The following JCAD variants were observed in gnomAD, a reference collection of about 807,000 sequenced individuals.
JCAD encodes the protein junctional cadherin 5-associated protein.
A neutral mutation model predicts 98.0 loss-of-function variants in JCAD; 40 were observed. That is an observed-to-expected ratio of 0.41 (90% confidence interval 0.32 to 0.53). JCAD has a LOEUF of 0.53. Ranked by LOEUF, JCAD falls within the 20% of genes least tolerant of loss-of-function variation. JCAD has a pLI of 0.31. For missense variants in JCAD, 1,705 were observed against 1,738.1 expected, an observed-to-expected ratio of 0.98 and a Z score of 0.34; for synonymous variants, 691 against 682.3, an observed-to-expected ratio of 1.01 and a Z score of -0.20.
chr10:30,084,821 CTATCTATCTGTG>C (rs1425448635), intron 1 of JCAD, among the ~76,000 whole-genome samples: 15 of 151,522 alleles, frequency 9.9e-5, no homozygotes, highest in Non-Finnish European at 1.5e-5. Context: ...ATCTATCTAT[CTATCTATCTGTG>C]TATCTATCCA....
chr10:30,096,381 G>A (rs1190777378), intron 1 of JCAD, among the ~76,000 whole-genome samples: 3 of 152,166 alleles, frequency 2.0e-5, no homozygotes, highest in Non-Finnish European at 4.4e-5. Flanking sequence ...TTGCTACAGG[G>A]ATCAGTGGTA....
At position 30,098,760 on chromosome 10, in the gene JCAD, T is replaced by C. The variant is rs564338952; in HGVS notation, n.128+16607A>G. Among the ~76,000 whole-genome samples, 3 of 152,342 alleles carry C rather than the reference T, an allele frequency of 2.0e-5. No individual in the cohort carries two copies. In the East Asian group the frequency reaches 5.8e-4, roughly 29 times the overall value. ...TTGAGTGCCATTCCAAAGTTCTTAC[T>C]GTCCAATAACTTATTATCATGAAAT... On this transcript the variant is annotated intron_variant and non_coding_transcript_variant, in intron 1 of 2. Transcript: ENST00000465712.
chr10:30,093,081 G>C (rs1404331532), intron 1 of JCAD, among the ~76,000 whole-genome samples: 1 of 152,108 alleles, frequency 6.6e-6, no homozygotes, highest in Non-Finnish European at 1.5e-5. Context: ...TGGAAAAAAA[G>C]AATAGAATAG....
chr10:30,096,547 G>A (rs1373036504), intron 1 of JCAD, among the ~76,000 whole-genome samples: 2 of 151,380 alleles, frequency 1.3e-5, no homozygotes, highest in East Asian at 1.9e-4. Context: ...AAGTATCTTC[G>A]ATCTGTATCT....
intron 1 of JCAD, among the ~76,000 whole-genome samples, chr10:30,101,119 G>A (rs1364000471): frequency 6.6e-6 from 1 of 152,230 alleles, no homozygotes; most frequent in Non-Finnish European, 1.5e-5. Flanking sequence ...GATTTAAAGA[G>A]TCTGTTCTGG....
chr10:30,110,712 G>C (rs914632572), intron 1 of JCAD, among the ~76,000 whole-genome samples: 1 of 151,556 alleles, frequency 6.6e-6, no homozygotes. Context: ...CTGATGTATG[G>C]ACCCCTGGTA....
At chr10:30,079,545 G>C (rs1208827690) in intron 1 of JCAD, among the ~76,000 whole-genome samples, 1 of 152,088 alleles carries the variant, frequency 6.6e-6, no homozygotes, top group East Asian at 1.9e-4. Flanking sequence ...CCCCTGTCTA[G>C]GCAGAGAATC....
At chr10:30,021,866 G>T (rs1290638817) in intron 3 of JCAD, among the ~76,000 whole-genome samples, 1 of 152,176 alleles carries the variant, frequency 6.6e-6, no homozygotes, top group Non-Finnish European at 1.5e-5. Context: ...GCCCTGGTGG[G>T]TATTTCACAC....
rs371400136 is a variant in JCAD, at chr10:30,090,570, GA to G, written n.129-20750del. ...AAGGAAAGGAAAGGAGAGGAGAGGG[GA>G]GGGGAGGGGAGGGGAGGGGAAAGGG... is the stretch of plus-strand genomic sequence containing the variant. On this transcript the variant is annotated intron_variant and non_coding_transcript_variant, in intron 1 of 2. Coordinates refer to the JCAD transcript ENST00000465712. 5.9e-3 allele frequency among the ~76,000 whole-genome samples: 882 copies of G among 150,072 alleles called. 11 individuals carry two copies. The highest frequency in any genetic ancestry group is 0.02 in the African/African-American group (836 of 40,874).
At chr10:30,114,825 G>A (rs532016804) in intron 1 of JCAD, among the ~76,000 whole-genome samples, 3 of 61,510 alleles carry the variant, frequency 4.9e-5, no homozygotes, top group South Asian at 8.4e-4. Context: ...TTTTAAAGCC[G>A]AATAGATAGA....
chr10:30,091,614 A>G (rs80283139), intron 1 of JCAD, among the ~76,000 whole-genome samples: 6,862 of 151,942 alleles, frequency 0.045, 197 homozygotes, highest in East Asian at 0.095. Flanking sequence ...ATTTGATGCT[A>G]GAGAATTGTT....
At position 30,029,852 on chromosome 10, in the gene JCAD, G is replaced by T. The variant is rs765512935; in HGVS notation, c.296C>A (p.Pro99His). 6.2e-7 allele frequency: 1 copy of T among 1,613,632 alleles called. No individual in the cohort carries two copies. Among genetic ancestry groups the T allele is most frequent in the South Asian group, 1.1e-5 (1 of 91,058 alleles). Reference sequence around the variant, plus strand: ...GGGATGAGAGGACCATGCTGAGGGGGGTTGATTACAAAACCTACAAAACAA... The same window carrying T: ...GGGATGAGAGGACCATGCTGAGGGGTGTTGATTACAAAACCTACAAAACAA... ...RTSEAGFCNQ[P>H]PSAWSSHPPT... Residue 99 changes from proline to histidine, a missense_variant, in exon 3 of 4, where the codon CCC becomes CAC. By Grantham distance (77) the Pro-to-His change is moderately conservative (BLOSUM62 -2). This residue lies in a region of JCAD where 152 missense variants were observed against 148.0 expected (regional missense o/e 1.03). Coordinates refer to ENST00000375377, the MANE Select transcript of JCAD (RefSeq NM_020848.4).
At chr10:30,064,302 T>C (rs1837749115), upstream of JCAD, among the ~76,000 whole-genome samples, 1 of 152,140 alleles carries the variant, frequency 6.6e-6, no homozygotes, top group South Asian at 2.1e-4. Flanking sequence ...TGTGATGCCC[T>C]ATACCACCTT....
rs372004184 is a variant in JCAD at position 30,028,769 on chromosome 10, G to T, written c.1379C>A (p.Ala460Asp). The T allele has an allele frequency of 5.0e-6, 8 of 1,614,126 alleles. No individual in the cohort carries two copies. The highest frequency in any genetic ancestry group is 5.9e-6 in the Non-Finnish European group (7 of 1,180,056). ...DKSYNSSPVT[A>D]QEPAHGGMQP... ...CATTCCTCCATGAGCCGGCTCTTGA[G>T]CAGTGACAGGACTGGAGTTATATGA... The change falls in exon 3 of 4, where the codon GCT (alanine) becomes GAT (aspartate). Residue 460 changes from alanine to aspartate, a missense_variant. Transcript: ENST00000375377.
intron 1 of JCAD, among the ~76,000 whole-genome samples, chr10:30,079,805 A>G (rs1048156227): frequency 6.6e-6 from 1 of 152,174 alleles, no homozygotes; most frequent in Admixed American, 6.6e-5. Flanking sequence ...TGGACTTCAC[A>G]TTTTTCTCCC....
intron 1 of JCAD, among the ~76,000 whole-genome samples, chr10:30,081,746 T>C (rs1838090927): frequency 6.6e-6 from 1 of 152,144 alleles, no homozygotes; most frequent in Admixed American, 6.5e-5. Context: ...GAGCCCAAGA[T>C]TTGAATGCTA....
intron 1 of JCAD, among the ~76,000 whole-genome samples, chr10:30,101,665 G>A (rs1246373633): frequency 6.6e-6 from 1 of 152,080 alleles, no homozygotes; most frequent in Admixed American, 6.6e-5. Context: ...ACCACGCCCG[G>A]CTCAGGCTAA....
rs531644987 is a variant in JCAD at position 30,102,208 on chromosome 10, G to A, written n.128+13159C>T. 5.9e-5 allele frequency among the ~76,000 whole-genome samples: 9 copies of A among 152,064 alleles called. No individual in the cohort carries two copies. In the South Asian group the frequency reaches 6.2e-4, roughly 11 times the overall value. ...TTTTGAGACAAACTCTTGCTCTGTC[G>A]CCCAGGCTGGAGTGCAGTGGTATGA... On this transcript the variant is annotated intron_variant and non_coding_transcript_variant, in intron 1 of 2. Transcript: ENST00000465712.
At position 30,016,548 on chromosome 10, in the gene JCAD, C is replaced by A. The variant is rs1426382301; in HGVS notation, c.*1335G>T. 1 of 151,954 alleles carries A rather than the reference C, an allele frequency of 6.6e-6. No homozygotes were observed. Among genetic ancestry groups the A allele is most frequent in the African/African-American group, 2.4e-5 (1 of 41,368 alleles). The allele number at this position is 151,954 out of a possible 1,614,324, so 9.4% of individuals were successfully genotyped here. On this transcript the variant is annotated 3_prime_UTR_variant, in exon 4 of 4. Coordinates refer to ENST00000375377, the MANE Select transcript of JCAD (RefSeq NM_020848.4). ...ATTAAACACAGTAGAATACATAGGCCTCATAATGCTTTTGTAATGGCATAT... is the reference window on the plus strand; with the variant it reads ...ATTAAACACAGTAGAATACATAGGCATCATAATGCTTTTGTAATGGCATAT...
Sources: gnomAD v4.1 joint callset for allele counts (sites outside exome capture counted in the v4.1 genomes callset) on GRCh38, gnomAD v4.1.1 for gene constraint, gnomAD v4.1.1 regional missense constraint, MANE v1.5 for transcripts, NCBI Gene and HGNC (gene_info 2026-07-23, HGNC 2026-07-21) for gene names.